Variants in MYH16 observed in about 807,000 individuals in gnomAD.
MYH16 encodes myosin heavy chain 16.
exon 22 of MYH16, chr7:99,279,598 G>A (rs61742034): frequency 9.6e-5 from 44 of 456,610 alleles, no homozygotes; most frequent in African/African-American, 8.4e-4. Flanking sequence ...TCAGACATGC[G>A]GGAGCGGCTG....
exon 1 of MYH16, chr7:99,238,941 G>A (rs554390809): frequency 6.5e-6 from 1 of 152,840 alleles, no homozygotes; most frequent in South Asian, 2.1e-4. Flanking sequence ...GACATTAAGA[G>A]GTCCTGCTGG....
At chr7:99,255,157 T>C (rs576439814) in intron 8 of MYH16, among the ~76,000 whole-genome samples, 7 of 152,152 alleles carry the variant, frequency 4.6e-5, no homozygotes, top group Admixed American at 3.9e-4. Context: ...TAATCCCAGC[T>C]ACTTAGGAGG....
intron 37 of MYH16, among the ~76,000 whole-genome samples, chr7:99,299,931 A>AT (rs771402707): frequency 3.7e-3 from 227 of 61,036 alleles, no homozygotes; most frequent in African/African-American, 0.013. Flanking sequence ...ATTTTATTTT[A>AT]TTTATTTATT....
rs189135669 is a variant in MYH16, at chr7:99,251,151, G to A, written n.694G>A. On this transcript the variant is annotated non_coding_transcript_exon_variant, in exon 6 of 42. Coordinates refer to ENST00000439784, the Ensembl canonical transcript of MYH16. ...CCCTGTGCTGGAGGCCTTTGGGAAC[G>A]CCAAGACCACCAGGAACAACAACTC... 1.3e-4 allele frequency: 28 copies of A among 222,446 alleles called. 1 individual carries two copies. In the Middle Eastern group the frequency reaches 5.3e-3, roughly 42 times the overall value. The allele number at this position is 222,446 out of a possible 1,614,324, so 13.8% of individuals were successfully genotyped here. A position where few individuals can be genotyped will look rare whatever the true frequency, so the allele number is the denominator to read the frequency against.
At chr7:99,296,949 C>G (rs1201211837) in intron 34 of MYH16, 32 bp downstream of exon 15, 1 of 453,492 alleles carries the variant, frequency 2.2e-6, no homozygotes, top group East Asian at 7.0e-5. Context: ...TGGGATGGGC[C>G]TGTAGGGAGG....
At chr7:99,291,359 C>T (rs1244796979) in exon 31 of MYH16, 1 of 456,708 alleles carries the variant, frequency 2.2e-6, no homozygotes, top group South Asian at 1.5e-5. Flanking sequence ...TATGAAGAGT[C>T]CCAGAGCCGG....
chr7:99,251,912 G>A (rs1473782401), intron 6 of MYH16, among the ~76,000 whole-genome samples: 1 of 152,196 alleles, frequency 6.6e-6, no homozygotes, highest in African/African-American at 2.4e-5. Flanking sequence ...AGTCAAGGTT[G>A]CAATGAGCTG....
intron 41 of MYH16, among the ~76,000 whole-genome samples, 184 bp downstream of exon 22, chr7:99,306,220 C>T (rs1430029788): frequency 6.6e-6 from 1 of 152,180 alleles, no homozygotes; most frequent in Non-Finnish European, 1.5e-5. Flanking sequence ...CCAGACACTA[C>T]ACACCAGAGA....
intron 18 of MYH16, among the ~76,000 whole-genome samples, chr7:99,267,776 C>A (rs2150814153): frequency 6.6e-6 from 1 of 152,308 alleles, no homozygotes; most frequent in South Asian, 2.1e-4. Context: ...TAAAGGCTAG[C>A]CAGGCCAGTG....
downstream of MYH16, among the ~76,000 whole-genome samples, chr7:99,307,829 A>C (rs765750858): frequency 2.6e-5 from 4 of 152,056 alleles, no homozygotes; most frequent in Non-Finnish European, 5.9e-5. Flanking sequence ...CCCAGGTTCA[A>C]GCAGTTCTCC....
At chr7:99,275,334 A>C (rs1792097395) in intron 20 of MYH16, among the ~76,000 whole-genome samples, 1 of 152,002 alleles carries the variant, frequency 6.6e-6, no homozygotes, top group Non-Finnish European at 1.5e-5. Flanking sequence ...GTCTTGCTAC[A>C]TTACCCCAGC....
At chr7:99,262,226 G>GT (rs1181469353) in intron 13 of MYH16, among the ~76,000 whole-genome samples, 10 of 152,198 alleles carry the variant, frequency 6.6e-5, no homozygotes, top group Admixed American at 3.9e-4. Context: ...TATTATCGCT[G>GT]TAAGTGCCAA....
At chr7:99,308,149 G>A (rs1254515607), downstream of MYH16, among the ~76,000 whole-genome samples, 1 of 151,838 alleles carries the variant, frequency 6.6e-6, no homozygotes, top group Non-Finnish European at 1.5e-5. Flanking sequence ...TACAAAATTA[G>A]CCAGGCGTGA....
chr7:99,297,854 T>C (rs1292743158), intron 35 of MYH16, 38 bp from the exon 17 acceptor site: 1 of 456,610 alleles, frequency 2.2e-6, no homozygotes, highest in Non-Finnish European at 4.4e-6. Context: ...ACTGCACATC[T>C]TCTTGGCCAG....
intron 20 of MYH16, among the ~76,000 whole-genome samples, chr7:99,277,059 CAGAG>C (rs1167408427): frequency 8.5e-6 from 1 of 117,532 alleles, no homozygotes; most frequent in Non-Finnish European, 1.5e-5. Context: ...GAGAGAGACA[CAGAG>C]AGAGAGAGAG....
At chr7:99,285,280 T>G (rs565631536) in intron 26 of MYH16, 102 bp from the exon 9 acceptor site, 2 of 433,472 alleles carry the variant, frequency 4.6e-6, no homozygotes, top group African/African-American at 4.1e-5. Context: ...TGACAGTGGC[T>G]GTCATATTCT....
At chr7:99,288,303 G>A (rs750067025) in intron 29 of MYH16, among the ~76,000 whole-genome samples, 166 bp downstream of exon 10, 4 of 152,124 alleles carry the variant, frequency 2.6e-5, no homozygotes, top group Non-Finnish European at 5.9e-5. Context: ...GCCAGGGATG[G>A]TAGCATGTGC....
At chr7:99,277,904 TGTGTGTGTGTGTGA>T (rs1292704267) in intron 21 of MYH16, among the ~76,000 whole-genome samples, 192 bp downstream of exon 3, 6 of 136,622 alleles carry the variant, frequency 4.4e-5, no homozygotes, top group Middle Eastern at 3.3e-3. Context: ...TGTGTGTGTG[TGTGTGTGTGTGTGA>T]GAGAGAGAGA....
chr7:99,285,762 G>A (rs1231684897), intron 27 of MYH16, among the ~76,000 whole-genome samples: 1 of 152,236 alleles, frequency 6.6e-6, no homozygotes, highest in African/African-American at 2.4e-5. Context: ...TGGGCAAAGG[G>A]AATAAAATAG....
Sources: gnomAD v4.1 joint callset for allele counts (sites outside exome capture counted in the v4.1 genomes callset) on GRCh38, gnomAD v4.1.1 for gene constraint, MANE v1.5 for transcripts, NCBI Gene and HGNC (gene_info 2026-07-23, HGNC 2026-07-21) for gene names.